PCDHGA10: variants seen among roughly 807,000 people sequenced by gnomAD.
PCDHGA10 encodes the protein protocadherin gamma subfamily A, 10.
In PCDHGA10, 42 loss-of-function variants were observed where a neutral mutation model predicts 59.5. The observed-to-expected ratio is 0.71, with a 90% CI of 0.55 to 0.91. The LOEUF (loss-of-function observed/expected upper bound fraction) is 0.91. Among genes scored for constraint, PCDHGA10 ranks in the 40% least tolerant of loss-of-function variants. The probability of loss-of-function intolerance (pLI) is 0.00; values close to 1 mark genes in which losing one functional copy is unlikely to be tolerated. For missense variants in PCDHGA10, 1,111 were observed against 1,198.2 expected (o/e 0.93, Z 1.07); for synonymous variants, 511 against 517.2 (o/e 0.99, Z 0.16).
chr5:141,428,729 ATAT>A (rs2097158318), intron 1 of PCDHGA10: 2 of 159,768 alleles, frequency 1.3e-5, no homozygotes. Flanking sequence ...AATCTTAAAC[ATAT>A]TATATCTACT....
chr5:141,456,275 G>A (rs1234663731), intron 1 of PCDHGA10, among the ~76,000 whole-genome samples: 1 of 152,142 alleles, frequency 6.6e-6, no homozygotes, highest in Non-Finnish European at 1.5e-5. Flanking sequence ...GCTACTTCCT[G>A]CTGAAAAGGG....
Position 141,413,459 on chromosome 5 carries a change from A to C in PCDHGA10, c.284A>C (p.Asp95Ala). ...AGCTTGATCACCGCGGGCAGGATAGACCGGGAGGAGCTCTGCGCTCAGAGC... is the reference window on the plus strand; with the variant it reads ...AGCTTGATCACCGCGGGCAGGATAGCCCGGGAGGAGCTCTGCGCTCAGAGC... ...SGSLITAGRI[D>A]REELCAQSAR... The change falls in exon 1 of 4, where the codon GAC becomes GCC. Residue 95 changes from aspartate (D) to alanine (A), a missense_variant. Physicochemically the swap from Asp to Ala is moderately radical, Grantham distance 126 (BLOSUM62 -2). Coordinates refer to ENST00000398610, the MANE Select transcript of PCDHGA10 (RefSeq NM_018913.3). 3 of 1,614,080 alleles carry C rather than the reference A, an allele frequency of 1.9e-6. No individual in the cohort carries two copies. The highest frequency in any genetic ancestry group is 2.5e-6 in the Non-Finnish European group (3 of 1,179,962).
At chr5:141,420,314 A>C (rs1454977890) in intron 1 of PCDHGA10, 1 of 1,442,690 alleles carries the variant, frequency 6.9e-7, no homozygotes. Flanking sequence ...TTTATATTAC[A>C]ATATGCCAAT....
chr5:141,448,915 A>T (rs2098616551), intron 1 of PCDHGA10, among the ~76,000 whole-genome samples: 1 of 152,238 alleles, frequency 6.6e-6, no homozygotes. Context: ...ACTGCACTCC[A>T]GCCTGGGCGA....
At chr5:141,461,063 C>T (rs1472437531) in intron 1 of PCDHGA10, among the ~76,000 whole-genome samples, 1 of 151,796 alleles carries the variant, frequency 6.6e-6, no homozygotes, top group Non-Finnish European at 1.5e-5. Flanking sequence ...GTTGGTTTCA[C>T]ATTTTTGCAA....
rs2095601710 is a variant in PCDHGA10, at chr5:141,413,065, T to A, written c.-111T>A. 1.7e-6 allele frequency: 2 copies of A among 1,159,986 alleles called. No homozygotes were observed. The highest frequency in any genetic ancestry group is 3.1e-5 in the African/African-American group (2 of 64,376). 71.9% of individuals were successfully genotyped at this position (1,159,986 alleles called of 1,614,324 possible). A position where few individuals can be genotyped will look rare whatever the true frequency, so the allele number is the denominator to read the frequency against. ...CTGCAGGGAAGCTCACTCCAGAATT[T>A]AAAGTGCCCAGGCTACAGAGACACC... On this transcript the variant is annotated 5_prime_UTR_variant, in exon 1 of 4. Coordinates refer to ENST00000398610, the MANE Select transcript of PCDHGA10 (RefSeq NM_018913.3).
intron 1 of PCDHGA10, among the ~76,000 whole-genome samples, chr5:141,458,215 T>C (rs2098940075): frequency 1.3e-5 from 2 of 152,174 alleles, no homozygotes; most frequent in African/African-American, 2.4e-5. Context: ...TTAAAATAAG[T>C]TTCCTTTCCC....
At chr5:141,478,570 G>T (rs1255499966) in intron 1 of PCDHGA10, 1 of 1,590,156 alleles carries the variant, frequency 6.3e-7, no homozygotes, top group Admixed American at 1.8e-5. Context: ...AGTCATGCTT[G>T]ACCCTGTTAG....
At chr5:141,462,540 T>G (rs2099042148) in intron 1 of PCDHGA10, among the ~76,000 whole-genome samples, 2 of 152,204 alleles carry the variant, frequency 1.3e-5, no homozygotes, top group Non-Finnish European at 2.9e-5. Flanking sequence ...TCAGTGATCT[T>G]TTCTTCTTCA....
chr5:141,428,430 GA>G, intron 1 of PCDHGA10: 1 of 421,748 alleles, frequency 2.4e-6, no homozygotes. Flanking sequence ...TCTGTTCTAA[GA>G]CTAGACCAGG....
chr5:141,510,847 AG>A, intron 3 of PCDHGA10, 99 bp from the exon 4 acceptor site: 3 of 1,595,350 alleles, frequency 1.9e-6, no homozygotes, highest in Non-Finnish European at 2.6e-6. Context: ...GTCAAGGCCC[AG>A]GGTGCTGTAT....
At chr5:141,456,860 G>A (rs1345260160) in intron 1 of PCDHGA10, among the ~76,000 whole-genome samples, 1 of 152,170 alleles carries the variant, frequency 6.6e-6, no homozygotes, top group African/African-American at 2.4e-5. Flanking sequence ...CTAATTGGGA[G>A]GCTGAGGCAG....
chr5:141,427,199 A>G (rs900332017), intron 1 of PCDHGA10: 5 of 456,766 alleles, frequency 1.1e-5, no homozygotes, highest in Non-Finnish European at 2.2e-5. Context: ...AAGACTTAAT[A>G]GACTTCGAAT....
At chr5:141,446,461 A>G (rs1273508266) in intron 1 of PCDHGA10, among the ~76,000 whole-genome samples, 1 of 151,298 alleles carries the variant, frequency 6.6e-6, no homozygotes, top group Non-Finnish European at 1.5e-5. Flanking sequence ...TCAGTGTGTG[A>G]TTAGACATAT....
At chr5:141,458,172 T>C (rs1023447659) in intron 1 of PCDHGA10, among the ~76,000 whole-genome samples, 2 of 152,216 alleles carry the variant, frequency 1.3e-5, no homozygotes, top group African/African-American at 4.8e-5. Flanking sequence ...CACAGTAGTA[T>C]ACCTTACTTG....
At chr5:141,421,306 T>C (rs1356157966) in intron 1 of PCDHGA10, 1 of 1,613,564 alleles carries the variant, frequency 6.2e-7, no homozygotes, top group South Asian at 1.1e-5. Context: ...GCTGCGGGGG[T>C]TCCGGGCCAG....
At position 141,415,466 on chromosome 5, in the gene PCDHGA10, C is replaced by T. The variant is rs1187128064; in HGVS notation, c.2291C>T (p.Thr764Ile). The change falls in exon 1 of 4, where the codon ACC becomes ATC. Residue 764 changes from threonine (T) to isoleucine (I), a missense_variant. Coordinates refer to ENST00000398610, the MANE Select transcript of PCDHGA10 (RefSeq NM_018913.3). ...LQTYSHEVSL[T>I]ADSRKSHLIF... is the part of the protein sequence containing the mutation. Reference sequence around the variant, plus strand: ...ACCTATTCCCACGAGGTCTCTCTCACCGCGGACTCGCGAAAGAGTCACCTG... The same window carrying T: ...ACCTATTCCCACGAGGTCTCTCTCATCGCGGACTCGCGAAAGAGTCACCTG... The T allele has an allele frequency of 6.2e-7, 1 of 1,614,224 alleles. No homozygotes were observed.
chr5:141,413,690 A>T lies in PCDHGA10; in HGVS notation c.515A>T (p.Gln172Leu), dbSNP rs553462819. Residue 172 changes from glutamine (Q) to leucine (L), a missense_variant, in exon 1 of 4, where the codon CAG becomes CTG. Transcript: ENST00000398610. ...CCGGATGTGGGCGTGAACTCCCTGC[A>T]GAGCTATCAGCTCAGCCCCAATAAG... Reference protein sequence around the residue: ...IDPDVGVNSLQSYQLSPNKHF... With the variant: ...IDPDVGVNSLLSYQLSPNKHF... 9.9e-6 allele frequency: 16 copies of T among 1,613,702 alleles called. No individual in the cohort carries two copies. The East Asian group carries it at 2.9e-4, about 29-fold the overall frequency.
At chr5:141,507,786 G>A (rs536470814) in intron 3 of PCDHGA10, among the ~76,000 whole-genome samples, 3 of 152,292 alleles carry the variant, frequency 2.0e-5, no homozygotes, top group East Asian at 1.9e-4. Context: ...CCTGACCCTC[G>A]TCTAAGCCTG....
Sources: gnomAD v4.1 joint callset for allele counts (sites outside exome capture counted in the v4.1 genomes callset) on GRCh38, gnomAD v4.1.1 for gene constraint, MANE v1.5 for transcripts, NCBI Gene and HGNC (gene_info 2026-07-23, HGNC 2026-07-21) for gene names.